The following CTPS2 variants were observed in gnomAD, a reference collection of about 807,000 sequenced individuals.
The protein encoded by CTPS2 is CTP synthase II.
In CTPS2, 19 loss-of-function variants were observed where a neutral mutation model predicts 46.8. The ratio of observed to expected loss-of-function variants is 0.41; its 90% CI spans 0.28 to 0.60. The LOEUF (loss-of-function observed/expected upper bound fraction) is 0.60, where lower values mean the gene tolerates loss of function less well. Among genes scored for constraint, CTPS2 ranks in the 20% least tolerant of loss-of-function variants. The probability of loss-of-function intolerance (pLI) is 0.35; values close to 1 mark genes in which losing one functional copy is unlikely to be tolerated. For synonymous variants in CTPS2, 151 were observed against 165.2 expected (o/e 0.91, Z 0.66); for missense variants, 286 against 447.6 (o/e 0.64, Z 3.26).
At chrX:16,668,411 A>T (rs1241146528) in intron 11 of CTPS2, among the ~76,000 whole-genome samples, 1 of 92,806 alleles carries the variant, frequency 1.1e-5, no homozygotes, top group African/African-American at 4.1e-5. Context: ...CATCTCTACT[A>T]AAAAAAAAAA....
At chrX:16,676,071 G>A (rs964643057) in intron 10 of CTPS2, among the ~76,000 whole-genome samples, 1 of 111,790 alleles carries the variant, frequency 8.9e-6, no homozygotes, top group African/African-American at 3.2e-5. Flanking sequence ...TGGGAAATTT[G>A]GAATTTGTGA....
intron 17 of CTPS2, among the ~76,000 whole-genome samples, chrX:16,598,268 A>T (rs746400980): frequency 2.7e-5 from 3 of 111,610 alleles, no homozygotes; most frequent in African/African-American, 9.8e-5. Flanking sequence ...TGAATCCAGG[A>T]GCTGGTTTTT....
chrX:16,665,803 T>C (rs185321248), intron 13 of CTPS2, among the ~76,000 whole-genome samples: 2 of 112,080 alleles, frequency 1.8e-5, no homozygotes, highest in African/African-American at 6.5e-5. Context: ...CAGGCTGGAG[T>C]GCAATGGCAC....
chrX:16,693,669 G>A (rs1259933317), intron 4 of CTPS2, among the ~76,000 whole-genome samples, 182 bp from the exon 5 acceptor site: 2 of 110,884 alleles, frequency 1.8e-5, no homozygotes, highest in Non-Finnish European at 3.8e-5. Context: ...TCACACCTAT[G>A]ATCCCAGCGC....
intron 13 of CTPS2, among the ~76,000 whole-genome samples, chrX:16,644,297 G>A (rs1001157720): frequency 9.0e-6 from 1 of 110,917 alleles, no homozygotes; most frequent in Non-Finnish European, 1.9e-5. Context: ...ACCATGCCCG[G>A]CTAATTTTTT....
At chrX:16,656,693 C>T (rs1293396447) in intron 13 of CTPS2, among the ~76,000 whole-genome samples, 1 of 111,849 alleles carries the variant, frequency 8.9e-6, no homozygotes, top group Non-Finnish European at 1.9e-5. Context: ...GGATTACAGG[C>T]GTGAGCCACC....
chrX:16,647,793 A>T (rs1569210589), intron 13 of CTPS2, among the ~76,000 whole-genome samples: 1 of 111,628 alleles, frequency 9.0e-6, no homozygotes, highest in Non-Finnish European at 1.9e-5. Flanking sequence ...TTCAGATGCA[A>T]AAAATAGGCC....
At chrX:16,652,019 G>A (rs186486096) in intron 13 of CTPS2, among the ~76,000 whole-genome samples, 1 of 106,916 alleles carries the variant, frequency 9.4e-6, no homozygotes, top group East Asian at 2.9e-4. Context: ...AGAGCAGGAT[G>A]GGGGGGGCCA....
intron 4 of CTPS2, among the ~76,000 whole-genome samples, chrX:16,694,163 C>CAAAACA (rs1013527074): frequency 9.0e-6 from 1 of 111,615 alleles, no homozygotes; most frequent in African/African-American, 3.3e-5. Flanking sequence ...GACTCCATCT[C>CAAAACA]AAAACAAAAA....
chrX:16,621,339 A>AT lies in CTPS2; in HGVS notation c.1394-1008_1394-1007insA, dbSNP rs769514149. The stretch of plus-strand genomic sequence containing the variant: ...GTTGGGGGAGGGATAGCATTAGGAG[A>AT]ATACCTAATGTAAATGATGAGTTGA... On this transcript the variant is annotated intron_variant, in intron 14 of 18. Coordinates refer to ENST00000359276, the MANE Select transcript of CTPS2 (RefSeq NM_175859.3). Among the ~76,000 whole-genome samples the AT allele has an allele frequency of 5.6e-3, 600 of 107,057 alleles. 2 individuals are homozygous for AT. The highest frequency in any genetic ancestry group is 0.014 in the Middle Eastern group (3 of 208). 93.0% of individuals were successfully genotyped at this position (107,057 alleles called of 115,157 possible). A position where few individuals can be genotyped will look rare whatever the true frequency, so the allele number is the denominator to read the frequency against.
chrX:16,693,367 C>T lies in CTPS2; in HGVS notation c.555+4G>A, dbSNP rs1433261590. On this transcript the variant is annotated splice_donor_region_variant and intron_variant, in intron 5 of 18. Coordinates refer to ENST00000359276, the MANE Select transcript of CTPS2 (RefSeq NM_175859.3). ...CTGTCCACATACTTATCTGGAAAGC[C>T]CACCTGTGGGACAAGGCTAACGTGG... The T allele has an allele frequency of 1.7e-6, 2 of 1,173,390 alleles. No individual in the cohort carries two copies. Among genetic ancestry groups the T allele is most frequent in the Non-Finnish European group, 2.3e-6 (2 of 862,413 alleles).
At chrX:16,653,096 C>T (rs1234960014) in intron 13 of CTPS2, among the ~76,000 whole-genome samples, 1 of 110,470 alleles carries the variant, frequency 9.1e-6, no homozygotes, top group African/African-American at 3.3e-5. Flanking sequence ...TTTTTTACCA[C>T]AATTTATATA....
intron 17 of CTPS2, among the ~76,000 whole-genome samples, chrX:16,609,123 GCC>G (rs1403534060): frequency 9.0e-6 from 1 of 111,584 alleles, no homozygotes; most frequent in East Asian, 2.8e-4. Context: ...AATATTTGCA[GCC>G]TAACAAAGGA....
rs183776884 is a variant in CTPS2 at position 16,689,628 on chromosome X, C to T, written c.721-27G>A. The T allele has an allele frequency of 2.6e-4, 310 of 1,172,972 alleles. No homozygotes were observed. The Middle Eastern group carries it at 4.8e-3, about 18-fold the overall frequency. On this transcript the variant is annotated intron_variant, in intron 7 of 18. Coordinates refer to ENST00000359276, the MANE Select transcript of CTPS2 (RefSeq NM_175859.3). ...TAAGTGGCGATGAGAAATCACCATA[C>T]TTAGATGGATCTATTCAAATATGCC...
At chrX:16,662,953 T>C (rs1933007817) in intron 13 of CTPS2, among the ~76,000 whole-genome samples, 1 of 111,475 alleles carries the variant, frequency 9.0e-6, no homozygotes, top group Non-Finnish European at 1.9e-5. Context: ...TGTACATGGA[T>C]ACTAATTTGC....
At chrX:16,698,102 C>T in intron 4 of CTPS2, 134 bp downstream of exon 4, 1 of 489,630 alleles carries the variant, frequency 2.0e-6, no homozygotes, top group East Asian at 3.5e-5. Flanking sequence ...TATGTTGTTT[C>T]TTGCTGTGAC....
Position 16,691,824 on chromosome X carries a change from G to A in CTPS2, c.640-204C>T, listed in dbSNP as rs963619094. On this transcript the variant is annotated intron_variant, in intron 6 of 18. Coordinates refer to ENST00000359276, the MANE Select transcript of CTPS2 (RefSeq NM_175859.3). ...CAGTAAGAACTCGAAACATCGAGAC[G>A]TCTCTGGTGAACAGAGTCCAGGCTC... Among the ~76,000 whole-genome samples, 16 of 112,277 alleles carry A rather than the reference G, an allele frequency of 1.4e-4. No homozygotes were observed. The South Asian group carries it at 1.8e-3, about 13-fold the overall frequency.
chrX:16,634,279 G>A (rs771225583), intron 14 of CTPS2, among the ~76,000 whole-genome samples: 5 of 111,753 alleles, frequency 4.5e-5, no homozygotes, highest in Admixed American at 1.9e-4. Context: ...GGGGCACATA[G>A]TGATATTTCA....
chrX:16,599,404 A>T (rs1171810362), intron 17 of CTPS2, among the ~76,000 whole-genome samples: 1 of 111,440 alleles, frequency 9.0e-6, no homozygotes, highest in Non-Finnish European at 1.9e-5. Flanking sequence ...AACACAGAGG[A>T]ATCACTATAC....
Sources: gnomAD v4.1 joint callset for allele counts (sites outside exome capture counted in the v4.1 genomes callset) on GRCh38, gnomAD v4.1.1 for gene constraint, MANE v1.5 for transcripts, NCBI Gene and HGNC (gene_info 2026-07-23, HGNC 2026-07-21) for gene names.